Variants in ZNF804B observed in about 807,000 individuals in gnomAD.
The protein encoded by ZNF804B is zinc finger protein 804B.
In ZNF804B, 80 loss-of-function variants were observed where a neutral mutation model predicts 101.4. The observed-to-expected ratio is 0.79, with a 90% CI of 0.66 to 0.95. ZNF804B has a LOEUF of 0.95. Among genes scored for constraint, ZNF804B ranks in the 40% least tolerant of loss-of-function variants. The probability of loss-of-function intolerance (pLI) is 0.00; values close to 1 mark genes in which losing one functional copy is unlikely to be tolerated. For synonymous variants in ZNF804B, 622 were observed against 558.8 expected (o/e 1.11, Z -1.59); for missense variants, 1,673 against 1,561.9 (o/e 1.07, Z -1.20).
chr7:89,210,333 CTTTATT>C (rs546140204), intron 1 of ZNF804B, among the ~76,000 whole-genome samples: 1 of 152,028 alleles, frequency 6.6e-6, no homozygotes, highest in Non-Finnish European at 1.5e-5. Context: ...AATTTGCTAG[CTTTATT>C]TTTATTTTTA....
intron 1 of ZNF804B, among the ~76,000 whole-genome samples, chr7:89,121,340 T>C (rs1379249995): frequency 6.6e-6 from 1 of 151,538 alleles, no homozygotes; most frequent in Non-Finnish European, 1.5e-5. Flanking sequence ...GTTGTTAAGA[T>C]GTCTCTAGTA....
intron 1 of ZNF804B, among the ~76,000 whole-genome samples, chr7:88,854,282 T>A (rs1156425693): frequency 6.6e-6 from 1 of 152,154 alleles, no homozygotes; most frequent in African/African-American, 2.4e-5. Flanking sequence ...AGTCATCGTT[T>A]GGCTAATTTC....
At chr7:88,837,177 T>G (rs2115796313) in intron 1 of ZNF804B, among the ~76,000 whole-genome samples, 1 of 151,980 alleles carries the variant, frequency 6.6e-6, no homozygotes, top group Admixed American at 6.6e-5. Context: ...TTTTTTTTTG[T>G]AAAGAGTAAC....
chr7:89,228,221 G>T (rs10279723), intron 2 of ZNF804B, among the ~76,000 whole-genome samples: 1 of 151,822 alleles, frequency 6.6e-6, no homozygotes, highest in African/African-American at 2.4e-5. Context: ...AGCTCATAAA[G>T]GCAGTGTGTA....
At chr7:88,870,161 C>T (rs1239399508) in intron 1 of ZNF804B, among the ~76,000 whole-genome samples, 17 of 151,116 alleles carry the variant, frequency 1.1e-4, no homozygotes, top group Middle Eastern at 3.4e-3. Flanking sequence ...CCGAGACGGG[C>T]GGATCACGAG....
At chr7:88,986,652 G>A (rs531454994) in intron 1 of ZNF804B, among the ~76,000 whole-genome samples, 9 of 152,118 alleles carry the variant, frequency 5.9e-5, no homozygotes, top group South Asian at 2.1e-4. Flanking sequence ...TTGGCGTGGC[G>A]CCTAGTTTAC....
chr7:88,925,088 T>A (rs1375180026), intron 1 of ZNF804B, among the ~76,000 whole-genome samples: 1 of 152,154 alleles, frequency 6.6e-6, no homozygotes, highest in Non-Finnish European at 1.5e-5. Flanking sequence ...TACTCAGTAT[T>A]CTCAAATACC....
chr7:89,278,600 A>G (rs1248945108), intron 2 of ZNF804B, among the ~76,000 whole-genome samples: 2 of 152,032 alleles, frequency 1.3e-5, no homozygotes, highest in Non-Finnish European at 2.9e-5. Flanking sequence ...CCATTTATTA[A>G]ATAAGGAATC....
At chr7:88,798,415 A>T (rs968120127) in intron 1 of ZNF804B, among the ~76,000 whole-genome samples, 1 of 152,122 alleles carries the variant, frequency 6.6e-6, no homozygotes, top group African/African-American at 2.4e-5. Flanking sequence ...ATCTTGAAAA[A>T]CATATGAACT....
intron 1 of ZNF804B, among the ~76,000 whole-genome samples, chr7:88,807,660 T>C (rs981351131): frequency 6.6e-6 from 1 of 152,120 alleles, no homozygotes; most frequent in South Asian, 2.1e-4. Context: ...TAGATAAAAC[T>C]AGAGCACTCC....
At chr7:88,780,485 A>T (rs1586899750) in intron 1 of ZNF804B, among the ~76,000 whole-genome samples, 1 of 144,694 alleles carries the variant, frequency 6.9e-6, no homozygotes, top group East Asian at 2.1e-4. Flanking sequence ...ACCTCCCAGG[A>T]CTCAGGTGAT....
chr7:88,917,503 C>G (rs954048780), intron 1 of ZNF804B, among the ~76,000 whole-genome samples: 4 of 152,054 alleles, frequency 2.6e-5, no homozygotes, highest in Admixed American at 6.6e-5. Context: ...ACTATTGACT[C>G]AAGTGGAAGT....
intron 1 of ZNF804B, among the ~76,000 whole-genome samples, chr7:88,834,303 A>G (rs1791176252): frequency 1.3e-5 from 2 of 151,860 alleles, no homozygotes; most frequent in African/African-American, 4.8e-5. Context: ...TGTGACTGTT[A>G]CAGCTATTAT....
chr7:89,211,396 T>C (rs1788801618), intron 1 of ZNF804B, among the ~76,000 whole-genome samples: 1 of 152,234 alleles, frequency 6.6e-6, no homozygotes, highest in Admixed American at 6.5e-5. Context: ...ATTTTTGCTT[T>C]TGTTGCAATT....
chr7:88,891,140 T>C (rs1289438632), intron 1 of ZNF804B, among the ~76,000 whole-genome samples: 1 of 152,144 alleles, frequency 6.6e-6, no homozygotes, highest in Middle Eastern at 3.2e-3. Context: ...TAATGAATGA[T>C]ATAGAAACAT....
intron 2 of ZNF804B, among the ~76,000 whole-genome samples, chr7:89,298,216 GTATATATATATATATATATATATATATA>G (rs1171165341): frequency 1.8e-4 from 5 of 27,524 alleles, no homozygotes; most frequent in South Asian, 1.7e-3. Flanking sequence ...GTGTGTGTGT[GTATATATATATATATATATATATATATA>G]TATATATATA....
At chr7:89,266,856 C>G (rs1308552994) in intron 2 of ZNF804B, among the ~76,000 whole-genome samples, 2 of 99,170 alleles carry the variant, frequency 2.0e-5, no homozygotes, top group East Asian at 4.3e-4. Context: ...AAACTTAGTA[C>G]TAATGTTTGT....
intron 1 of ZNF804B, among the ~76,000 whole-genome samples, chr7:89,207,344 G>T (rs953808567): frequency 6.6e-6 from 1 of 152,174 alleles, no homozygotes; most frequent in Non-Finnish European, 1.5e-5. Flanking sequence ...GGTTAATGAG[G>T]AGCAAGGTCA....
chr7:89,297,079 C>T, intron 2 of ZNF804B, among the ~76,000 whole-genome samples: 1 of 152,092 alleles, frequency 6.6e-6, no homozygotes, highest in Admixed American at 6.6e-5. Context: ...TTCATGAATA[C>T]TAAATCATAT....
Sources: allele counts gnomAD v4.1 joint callset (sites outside exome capture counted in the v4.1 genomes callset), GRCh38; gene constraint gnomAD v4.1.1; transcripts MANE v1.5; gene names NCBI Gene and HGNC (gene_info 2026-07-23, HGNC 2026-07-21).